Variants in RBM20 observed in about 807,000 individuals in gnomAD.
RBM20 encodes RNA-binding protein 20.
In RBM20, 51 loss-of-function variants were observed where a neutral mutation model predicts 110.1. The ratio of observed to expected loss-of-function variants is 0.46; its 90% confidence interval spans 0.37 to 0.59. The LOEUF (loss-of-function observed/expected upper bound fraction) is 0.59. Among genes scored for constraint, RBM20 ranks in the 20% least tolerant of loss-of-function variants. The pLI, the probability that RBM20 is intolerant of heterozygous loss-of-function variation, is 0.00. For synonymous variants in RBM20, 589 were observed against 618.2 expected, an observed-to-expected ratio of 0.95 and a Z score of 0.70; for missense variants, 1,512 against 1,574.9, an observed-to-expected ratio of 0.96 and a Z score of 0.68.
At chr10:110,768,129 CTG>C (rs1169956305) in intron 1 of RBM20, among the ~76,000 whole-genome samples, 3 of 152,212 alleles carry the variant, frequency 2.0e-5, no homozygotes, top group Non-Finnish European at 4.4e-5. Context: ...ACTCGGCAGG[CTG>C]AGGCAGGAGA....
chr10:110,791,978 CTT>C (rs1399338142), intron 5 of RBM20, among the ~76,000 whole-genome samples: 1 of 152,196 alleles, frequency 6.6e-6, no homozygotes, highest in Non-Finnish European at 1.5e-5. Context: ...TACAGTATGT[CTT>C]TTAAAATTTA....
chr10:110,657,908 G>A (rs557107066), intron 1 of RBM20, among the ~76,000 whole-genome samples: 13 of 152,282 alleles, frequency 8.5e-5, no homozygotes, highest in South Asian at 2.1e-4. Flanking sequence ...TGGGTGAAAC[G>A]TCTTCAAATT....
intron 1 of RBM20, among the ~76,000 whole-genome samples, chr10:110,690,321 G>A (rs997256029): frequency 1.5e-4 from 23 of 152,000 alleles, no homozygotes; most frequent in African/African-American, 5.3e-4. Flanking sequence ...CAGGAGGATC[G>A]CTTAAGCCTA....
At chr10:110,826,321 C>A (rs987453936) in intron 12 of RBM20, among the ~76,000 whole-genome samples, 1 of 152,102 alleles carries the variant, frequency 6.6e-6, no homozygotes, top group African/African-American at 2.4e-5. Flanking sequence ...TATAAATATA[C>A]CTGTGAGACC....
At chr10:110,665,679 T>C (rs1862165303) in intron 1 of RBM20, among the ~76,000 whole-genome samples, 1 of 151,430 alleles carries the variant, frequency 6.6e-6, no homozygotes, top group Non-Finnish European at 1.5e-5. Flanking sequence ...CTATGATATA[T>C]ATGATAACTA....
In RBM20 at chr10:110,821,876, C is replaced by A. The variant is rs1193491394; in HGVS notation, c.3257C>A (p.Ala1086Asp). The A allele has an allele frequency of 1.9e-6, 3 of 1,551,714 alleles. No individual in the cohort carries two copies. Among genetic ancestry groups the A allele is most frequent in the Non-Finnish European group, 2.6e-6 (3 of 1,146,994 alleles). ...GAAGGCAGCCCCCTGGAGGAGAAAG[C>A]CAGCCCCCCCATCGAAACTGACCTC... ...ACEGSPLEEKASPPIETDLQN... is the reference protein window; with the variant it reads ...ACEGSPLEEKDSPPIETDLQN... The change falls in exon 11 of 14, where the codon GCC (alanine) becomes GAC (aspartate). Residue 1086 changes from alanine to aspartate, a missense_variant. Transcript: ENST00000369519.
chr10:110,784,389 T>G lies in RBM20; in HGVS notation c.1386T>G (p.Ala462=). 1 of 1,551,500 alleles carries G rather than the reference T, an allele frequency of 6.4e-7. No homozygotes were observed. Among genetic ancestry groups the G allele is most frequent in the Non-Finnish European group, 8.7e-7 (1 of 1,146,982 alleles). The change falls in exon 4 of 14, where the codon GCT becomes GCG. Residue 462 remains alanine, a synonymous_variant. Transcript: ENST00000369519. ...GTTCGGCAGAGGGAACATTGTGTGC[T>G]TCTCCCAACAGCACAGCTGTTTATA... The part of the protein sequence containing the change: ...ILGSAEGTLC[A]SPNSTAVYNP...
intron 1 of RBM20, among the ~76,000 whole-genome samples, chr10:110,708,972 G>A (rs1301849200): frequency 1.3e-5 from 2 of 152,220 alleles, no homozygotes; most frequent in African/African-American, 4.8e-5. Context: ...TCACGAGGCA[G>A]TGATGCAATT....
In RBM20 at chr10:110,708,227, C is replaced by T. The variant is rs534508458; in HGVS notation, c.191+63582C>T. ...ATTCTTACTAATTTCTGAACAAGGG[C>T]CCCACATTTTCATTTTGCAGTGTGC... On this transcript the variant is annotated intron_variant, in intron 1 of 13. Coordinates refer to ENST00000369519, the MANE Select transcript of RBM20 (RefSeq NM_001134363.3). 1.2e-4 allele frequency among the ~76,000 whole-genome samples: 19 copies of T among 152,222 alleles called. No individual in the cohort carries two copies. The South Asian group carries it at 3.7e-3, about 30-fold the overall frequency.
chr10:110,831,036 G>GT (rs776544222), intron 12 of RBM20, 25 bp from the exon 13 acceptor site: 35 of 1,543,304 alleles, frequency 2.3e-5, no homozygotes, highest in Non-Finnish European at 2.8e-5. Flanking sequence ...CTAACCCTGC[G>GT]TGTCTATCCC....
chr10:110,775,433 C>T (rs1028016033), intron 1 of RBM20, among the ~76,000 whole-genome samples: 1 of 152,228 alleles, frequency 6.6e-6, no homozygotes, highest in Admixed American at 6.5e-5. Flanking sequence ...GATGGCTGGA[C>T]ATTACCAGGA....
chr10:110,748,098 A>G (rs1229528234), intron 1 of RBM20, among the ~76,000 whole-genome samples: 2 of 152,218 alleles, frequency 1.3e-5, no homozygotes, highest in South Asian at 2.1e-4. Flanking sequence ...GAGTAAGTGG[A>G]GAAAGTAGTG....
At chr10:110,789,768 C>G (rs1359524592) in intron 5 of RBM20, among the ~76,000 whole-genome samples, 1 of 152,186 alleles carries the variant, frequency 6.6e-6, no homozygotes, top group Non-Finnish European at 1.5e-5. Context: ...CCATCCCACT[C>G]TAGGGTCCCC....
intron 1 of RBM20, among the ~76,000 whole-genome samples, chr10:110,692,819 C>T (rs554689038): frequency 6.6e-6 from 1 of 152,178 alleles, no homozygotes; most frequent in South Asian, 2.1e-4. Flanking sequence ...TATCTTGCTT[C>T]TGGTATTAGG....
At chr10:110,712,679 A>G (rs1159454315) in intron 1 of RBM20, among the ~76,000 whole-genome samples, 1 of 152,226 alleles carries the variant, frequency 6.6e-6, no homozygotes, top group Non-Finnish European at 1.5e-5. Context: ...AGGCAGGAGA[A>G]TCGCTTGAAC....
chr10:110,781,969 C>A, intron 2 of RBM20, 85 bp downstream of exon 2: 2 of 1,496,616 alleles, frequency 1.3e-6, no homozygotes, highest in Non-Finnish European at 1.8e-6. Flanking sequence ...TGCCAATGGG[C>A]AAGGAACTGT....
chr10:110,748,417 A>G (rs1843810613), intron 1 of RBM20, among the ~76,000 whole-genome samples: 1 of 152,194 alleles, frequency 6.6e-6, no homozygotes, highest in South Asian at 2.1e-4. Flanking sequence ...ACCAGTGTGC[A>G]TGAAATGACC....
At chr10:110,667,749 A>G (rs7082097) in intron 1 of RBM20, among the ~76,000 whole-genome samples, 53,505 of 151,944 alleles carry the variant, frequency 0.35, 11,567 homozygotes, top group African/African-American at 0.61. Flanking sequence ...GAGTCATTTG[A>G]TCACCTGGGA....
At chr10:110,811,303 C>T (rs1479902433) in intron 8 of RBM20, among the ~76,000 whole-genome samples, 2 of 152,192 alleles carry the variant, frequency 1.3e-5, no homozygotes, top group South Asian at 2.1e-4. Context: ...TGTTTGGGAA[C>T]TTAATGAAAA....
Sources: allele counts gnomAD v4.1 joint callset (sites outside exome capture counted in the v4.1 genomes callset), GRCh38; gene constraint gnomAD v4.1.1; transcripts MANE v1.5; gene names NCBI Gene and HGNC (gene_info 2026-07-23, HGNC 2026-07-21).